Variants in SPRR2B observed in about 807,000 individuals in gnomAD.
The protein encoded by SPRR2B is small proline rich protein 2B.
Under a neutral mutation model 1.0 loss-of-function variants are expected in SPRR2B, and 1 was observed. The ratio of observed to expected loss-of-function variants is 1.01; its 90% confidence interval spans 0.36 to 4.77. SPRR2B has a LOEUF of 4.77. Ranked by LOEUF, SPRR2B falls within the 30% of genes most tolerant of loss-of-function variation. The probability of loss-of-function intolerance (pLI) is 0.16; values close to 1 mark genes in which losing one functional copy is unlikely to be tolerated. For synonymous variants in SPRR2B, 27 were observed against 33.4 expected, an observed-to-expected ratio of 0.81 and a Z score of 0.66; for missense variants, 53 against 88.7, an observed-to-expected ratio of 0.60 and a Z score of 1.62.
the SPRR2B span, among the ~76,000 whole-genome samples, chr1:153,082,633 T>C: frequency 1.3e-5 from 2 of 151,924 alleles, no homozygotes; most frequent in Non-Finnish European, 2.9e-5. Flanking sequence ...TATGAAATCA[T>C]AGGGAAAATT....
upstream of SPRR2B, among the ~76,000 whole-genome samples, chr1:153,074,558 T>C (rs1432552439): frequency 2.0e-5 from 3 of 152,174 alleles, no homozygotes; most frequent in Non-Finnish European, 4.4e-5. Context: ...AGGTGGATGT[T>C]TTGGAAATTT....
At chr1:153,079,366 T>C in the SPRR2B span, among the ~76,000 whole-genome samples, 1 of 152,232 alleles carries the variant, frequency 6.6e-6, no homozygotes, top group Admixed American at 6.5e-5. Flanking sequence ...CTCTTTAGTT[T>C]AATTAGATAC....
the SPRR2B span, among the ~76,000 whole-genome samples, chr1:153,078,201 A>T: frequency 1.3e-5 from 2 of 152,216 alleles, no homozygotes; most frequent in South Asian, 4.1e-4. Context: ...AAAGACACAA[A>T]GGAGGTGAAA....
the SPRR2B span, among the ~76,000 whole-genome samples, chr1:153,077,342 T>C: frequency 6.6e-6 from 1 of 152,140 alleles, no homozygotes; most frequent in Non-Finnish European, 1.5e-5. Flanking sequence ...GTATGAGAAA[T>C]GATAAAGAGA....
chr1:153,073,953 T>A (rs987941648), upstream of SPRR2B, among the ~76,000 whole-genome samples: 1 of 152,196 alleles, frequency 6.6e-6, no homozygotes, highest in African/African-American at 2.4e-5. Flanking sequence ...TAATTATATA[T>A]TCACTCATTT....
chr1:153,085,172 G>T, the SPRR2B span, among the ~76,000 whole-genome samples: 1 of 152,182 alleles, frequency 6.6e-6, no homozygotes, highest in South Asian at 2.1e-4. Context: ...TCTGTACTGA[G>T]CTAGGATGGC....
upstream of SPRR2B, among the ~76,000 whole-genome samples, chr1:153,073,504 C>T (rs1024863880): frequency 2.0e-5 from 3 of 152,162 alleles, no homozygotes; most frequent in Non-Finnish European, 4.4e-5. Flanking sequence ...GGCACCAGAG[C>T]GGCAGCAGCC....
At chr1:153,078,953 C>T in the SPRR2B span, among the ~76,000 whole-genome samples, 2 of 151,902 alleles carry the variant, frequency 1.3e-5, no homozygotes, top group South Asian at 2.1e-4. Flanking sequence ...ATTCCACAAT[C>T]GTTGAACTAG....
chr1:153,084,042 C>T, the SPRR2B span, among the ~76,000 whole-genome samples: 2 of 152,210 alleles, frequency 1.3e-5, no homozygotes, highest in African/African-American at 2.4e-5. Flanking sequence ...CCTGGATGCA[C>T]TTCCTTGCAG....
the SPRR2B span, among the ~76,000 whole-genome samples, chr1:153,078,411 G>C: frequency 6.6e-6 from 1 of 152,052 alleles, no homozygotes; most frequent in Non-Finnish European, 1.5e-5. Context: ...TGTGCACAAC[G>C]TGCAGGTTAG....
the SPRR2B span, among the ~76,000 whole-genome samples, chr1:153,082,218 A>G: frequency 6.6e-6 from 1 of 152,248 alleles, no homozygotes; most frequent in African/African-American, 2.4e-5. Context: ...TTAAATAAAC[A>G]TAAATCAGAC....
upstream of SPRR2B, among the ~76,000 whole-genome samples, chr1:153,072,941 T>C (rs1319111135): frequency 2.6e-5 from 4 of 152,134 alleles, no homozygotes; most frequent in Non-Finnish European, 5.9e-5. Context: ...ATCAAGAACC[T>C]TTCCAAGAAT....
chr1:153,075,606 A>G (rs1654755910), upstream of SPRR2B, among the ~76,000 whole-genome samples: 1 of 152,210 alleles, frequency 6.6e-6, no homozygotes, highest in Admixed American at 6.5e-5. Context: ...TAAATCAGAG[A>G]CTGCATTTAA....
At chr1:153,087,304 G>C in the SPRR2B span, among the ~76,000 whole-genome samples, 8 of 151,780 alleles carry the variant, frequency 5.3e-5, no homozygotes, top group Non-Finnish European at 7.4e-5. Flanking sequence ...AATCTGGAAA[G>C]ATCTCAATGC....
chr1:153,071,329 C>T (rs953441797), intron 1 of SPRR2B, among the ~76,000 whole-genome samples: 78 of 152,112 alleles, frequency 5.1e-4, no homozygotes, highest in African/African-American at 1.6e-3. Flanking sequence ...GAGAAAAATA[C>T]TTTATCCTTT....
the SPRR2B span, among the ~76,000 whole-genome samples, chr1:153,084,637 C>G: frequency 1.3e-5 from 2 of 152,286 alleles, no homozygotes; most frequent in South Asian, 4.1e-4. Flanking sequence ...CCCACAGAGG[C>G]AGGTACCCTA....
chr1:153,081,074 G>C, the SPRR2B span, among the ~76,000 whole-genome samples: 1 of 152,112 alleles, frequency 6.6e-6, no homozygotes, highest in Non-Finnish European at 1.5e-5. Flanking sequence ...TCTGTAAAAG[G>C]CAAACTTACA....
upstream of SPRR2B, among the ~76,000 whole-genome samples, chr1:153,072,062 G>T (rs1052830787): frequency 1.3e-5 from 2 of 152,152 alleles, no homozygotes; most frequent in African/African-American, 4.8e-5. Flanking sequence ...TTGTATGCCA[G>T]GTCAACTCTC....
Position 153,070,494 on chromosome 1 carries a change from A to T in SPRR2B, c.*127T>A, listed in dbSNP as rs918839399. 30 of 1,488,134 alleles carry T rather than the reference A, an allele frequency of 2.0e-5. 1 individual carries two copies. In the South Asian group the frequency reaches 2.4e-4, roughly 12 times the overall value. 92.2% of individuals were successfully genotyped at this position (1,488,134 alleles called of 1,614,324 possible). Reference sequence around the variant, plus strand: ...TCAGGGAACATCATGGGCAGATCACAGGCTAAGGGGAAAGAAGCTCCCTAT... The same window carrying T: ...TCAGGGAACATCATGGGCAGATCACTGGCTAAGGGGAAAGAAGCTCCCTAT... On this transcript the variant is annotated 3_prime_UTR_variant, in exon 2 of 2. Transcript: ENST00000368755.
Sources: gnomAD v4.1 joint callset for allele counts (sites outside exome capture counted in the v4.1 genomes callset) on GRCh38, gnomAD v4.1.1 for gene constraint, MANE v1.5 for transcripts, NCBI Gene and HGNC (gene_info 2026-07-23, HGNC 2026-07-21) for gene names.